MZT2A: variants seen among roughly 807,000 people sequenced by gnomAD.
The protein encoded by MZT2A is mitotic spindle organizing protein 2A.
MZT2A carries 8 observed loss-of-function variants against 12.4 expected under a neutral mutation model. The ratio of observed to expected loss-of-function variants is 0.64; its 90% CI spans 0.38 to 1.16. The LOEUF is 1.16. Ranked by LOEUF, MZT2A falls within the 50% of genes most tolerant of loss-of-function variation. The pLI, the probability that MZT2A is intolerant of heterozygous loss-of-function variation, is 0.01. For synonymous variants in MZT2A, 88 were observed against 107.5 expected, an observed-to-expected ratio of 0.82 and a Z score of 1.12; for missense variants, 181 against 223.6, an observed-to-expected ratio of 0.81 and a Z score of 1.22.
At chr2:131,481,280 A>T (rs1315642906), downstream of MZT2A, among the ~76,000 whole-genome samples, 14 of 150,060 alleles carry the variant, frequency 9.3e-5, no homozygotes, top group Non-Finnish European at 1.9e-4. Flanking sequence ...TTATTTATTT[A>T]TTTTTTGAGA....
chr2:131,482,768 C>G (rs756125358), downstream of MZT2A: 24 of 1,614,198 alleles, frequency 1.5e-5, no homozygotes, highest in South Asian at 2.5e-4. Context: ...CCGCGAGGAC[C>G]TGGCAGCTCT....
In MZT2A at chr2:131,484,179, G is replaced by A. The variant is rs372882742; in HGVS notation, c.359C>T (p.Ala120Val). Residue 120 changes from alanine to valine, a missense_variant, in exon 3 of 3, where the codon GCC becomes GTC. Physicochemically the swap from Ala to Val is moderately conservative, Grantham distance 64. This residue lies in a region of MZT2A where 72 missense variants were observed against 76.9 expected (regional missense o/e 0.94). Coordinates refer to ENST00000309451, the MANE Select transcript of MZT2A (RefSeq NM_001085365.2). ...KGSAALGGVL[A>V]LAERSNHEGS... Reference sequence around the variant, plus strand: ...CTCGTGGTTGCTGCGTTCCGCCAGGGCCAATACTCCCCCGAGGGCAGCGCT... The same window carrying A: ...CTCGTGGTTGCTGCGTTCCGCCAGGACCAATACTCCCCCGAGGGCAGCGCT... 3 of 1,613,978 alleles carry A rather than the reference G, an allele frequency of 1.9e-6. No individual in the cohort carries two copies. The highest frequency in any genetic ancestry group is 1.3e-5 in the African/African-American group (1 of 74,928).
chr2:131,480,646 T>C (rs1479148165), downstream of MZT2A: 2 of 1,613,792 alleles, frequency 1.2e-6, no homozygotes, highest in South Asian at 1.1e-5. Context: ...TGCTGCATGT[T>C]GTACAGGGGG....
At chr2:131,491,583 T>G in intron 2 of MZT2A, 14 of 526,166 alleles carry the variant, frequency 2.7e-5, no homozygotes, top group East Asian at 1.4e-4. Context: ...ATTCCCGACT[T>G]TGTAGGATGA....
chr2:131,488,981 C>T (rs1408179286), intron 2 of MZT2A, among the ~76,000 whole-genome samples: 1 of 151,106 alleles, frequency 6.6e-6, no homozygotes, highest in Non-Finnish European at 1.5e-5. Flanking sequence ...ACAACCCCCA[C>T]ATACATCTTG....
chr2:131,477,033 C>CTTT (rs778753012), intron 2 of MZT2A, among the ~76,000 whole-genome samples: 13,985 of 138,338 alleles, frequency 0.1, 2,547 homozygotes, highest in African/African-American at 0.36. Flanking sequence ...CTTTCTTTTT[C>CTTT]TTTCTTTTTT....
At chr2:131,486,604 G>GC (rs1410318485) in intron 2 of MZT2A, 1 of 150,796 alleles carries the variant, frequency 6.6e-6, no homozygotes, top group Non-Finnish European at 1.5e-5. Context: ...AGCAAATAAT[G>GC]CTTTTTTTTT....
At chr2:131,492,834 C>T (rs1679402051), upstream of MZT2A, 9 of 1,467,354 alleles carry the variant, frequency 6.1e-6, no homozygotes, top group South Asian at 6.1e-5. Flanking sequence ...ACGCGCATTC[C>T]TTGCTAGGGA....
downstream of MZT2A, among the ~76,000 whole-genome samples, chr2:131,479,822 A>C (rs1678792023): frequency 6.6e-6 from 1 of 152,094 alleles, no homozygotes; most frequent in South Asian, 2.1e-4. Context: ...CCTGGGAAAC[A>C]GAGCAAGATT....
intron 2 of MZT2A, 86 bp downstream of exon 2, chr2:131,491,790 G>C (rs1306585001): frequency 7.0e-6 from 10 of 1,424,674 alleles, no homozygotes; most frequent in South Asian, 4.1e-5. Context: ...TGGCCACTCA[G>C]GGCCACGCCG....
At chr2:131,492,502 G>A (rs890120308), upstream of MZT2A, 27 of 1,103,170 alleles carry the variant, frequency 2.4e-5, no homozygotes, top group Admixed American at 6.4e-5. Context: ...GCGGGAGCGC[G>A]GGGACGGGGC....
chr2:131,490,273 TG>T, intron 2 of MZT2A: 1 of 991,324 alleles, frequency 1.0e-6, no homozygotes, highest in Non-Finnish European at 1.2e-6. Context: ...GGCATCTGTG[TG>T]GCACTGCCTG....
intron 2 of MZT2A, chr2:131,486,280 A>G (rs1679047197): frequency 6.0e-6 from 1 of 166,824 alleles, no homozygotes; most frequent in South Asian, 2.1e-4. Context: ...AGGGGCAAGG[A>G]TTCTGTCTTC....
rs1243046323 is a variant in MZT2A, at chr2:131,492,215, G to A, written c.162C>T (p.Asp54=). The part of the protein sequence containing the change: ...AQAAGGGIDP[D]VFKILVDLLK... ...CCACCCGCCCCGCTCACTTGAACAC[G>A]TCGGGGTCGATACCGCCGCCCGCCG... Residue 54 remains aspartate (D), a synonymous_variant, in exon 1 of 3, where the codon GAC becomes GAT. Transcript: ENST00000309451. 6.3e-7 allele frequency: 1 copy of A among 1,579,622 alleles called. No homozygotes were observed. The highest frequency in any genetic ancestry group is 8.6e-7 in the Non-Finnish European group (1 of 1,167,780).
intron 2 of MZT2A, among the ~76,000 whole-genome samples, chr2:131,474,734 A>G (rs1035798003): frequency 2.0e-5 from 3 of 151,948 alleles, no homozygotes; most frequent in African/African-American, 7.2e-5. Flanking sequence ...CGTTATTTTC[A>G]TATAAATTCC....
intron 2 of MZT2A, among the ~76,000 whole-genome samples, chr2:131,486,996 G>A (rs972993455): frequency 3.3e-5 from 5 of 152,136 alleles, no homozygotes; most frequent in African/African-American, 1.2e-4. Context: ...GCCTTGCAGT[G>A]GGGAAACCAG....
intron 3 of MZT2A, chr2:131,472,004 A>G: frequency 8.0e-7 from 1 of 1,254,516 alleles, no homozygotes; most frequent in Non-Finnish European, 1.0e-6. Context: ...ATCTGTATGA[A>G]CAGAATCTTA....
intron 2 of MZT2A, chr2:131,486,558 C>T (rs1256197125): frequency 2.0e-5 from 3 of 152,238 alleles, no homozygotes; most frequent in African/African-American, 7.2e-5. Context: ...TGACCCAGTC[C>T]CTTCTGGAAA....
chr2:131,484,341 G>C, intron 2 of MZT2A, 123 bp from the exon 3 acceptor site: 1 of 1,446,362 alleles, frequency 6.9e-7, no homozygotes, highest in East Asian at 2.4e-5. Context: ...GCTTCAGCTA[G>C]AGGCCCTGCA....
Sources: allele counts gnomAD v4.1 joint callset (sites outside exome capture counted in the v4.1 genomes callset), GRCh38; gene constraint gnomAD v4.1.1; regional missense constraint gnomAD v4.1.1; transcripts MANE v1.5; gene names NCBI Gene and HGNC (gene_info 2026-07-23, HGNC 2026-07-21).